The following EFNA5 variants were observed in gnomAD, a reference collection of about 807,000 sequenced individuals.
The protein encoded by EFNA5 is ephrin A5, also known as ephrin-A5.
EFNA5 carries 5 observed loss-of-function variants against 22.9 expected under a neutral mutation model. That is an observed-to-expected ratio of 0.22 (90% CI 0.11 to 0.46). The LOEUF (loss-of-function observed/expected upper bound fraction) is 0.46, where lower values mean the gene tolerates loss of function less well. Ranked by LOEUF, EFNA5 falls within the 20% of genes least tolerant of loss-of-function variation. The probability of loss-of-function intolerance (pLI) is 0.99; values close to 1 mark genes in which losing one functional copy is unlikely to be tolerated. For missense variants in EFNA5, 237 were observed against 293.3 expected (o/e 0.81, Z 1.40); for synonymous variants, 113 against 112.2 (o/e 1.01, Z -0.04).
intron 1 of EFNA5, among the ~76,000 whole-genome samples, chr5:107,539,520 G>A (rs1283677984): frequency 6.6e-6 from 1 of 152,156 alleles, no homozygotes; most frequent in African/African-American, 2.4e-5. Flanking sequence ...GTGCAGTGGG[G>A]TGATCTCGGC....
At chr5:107,605,793 C>T (rs1253117747) in intron 1 of EFNA5, among the ~76,000 whole-genome samples, 1 of 152,210 alleles carries the variant, frequency 6.6e-6, no homozygotes, top group Admixed American at 6.5e-5. Context: ...AACCTCTCTT[C>T]CCTTCAATAT....
intron 1 of EFNA5, among the ~76,000 whole-genome samples, chr5:107,471,791 G>GA (rs1258399582): frequency 6.6e-6 from 1 of 152,102 alleles, no homozygotes; most frequent in African/African-American, 2.4e-5. Context: ...GGTAACTAAT[G>GA]AAAAAAGAAT....
At chr5:107,423,822 T>C (rs913265941) in intron 2 of EFNA5, among the ~76,000 whole-genome samples, 3 of 152,222 alleles carry the variant, frequency 2.0e-5, no homozygotes, top group African/African-American at 7.2e-5. Flanking sequence ...GAAAGGAGAA[T>C]ATAGCATAGT....
rs571932697 is a variant in EFNA5, at chr5:107,558,855, T to C, written c.125+111634A>G. 3.3e-5 allele frequency among the ~76,000 whole-genome samples: 5 copies of C among 152,290 alleles called. No individual in the cohort carries two copies. The East Asian group carries it at 5.8e-4, about 18-fold the overall frequency. On this transcript the variant is annotated intron_variant, in intron 1 of 4. Transcript: ENST00000333274. ...ATGTAATTACTTTCTAAATGGGAAA[T>C]ATTTATGGAGCAGAATCATCCAGGC...
chr5:107,566,270 C>G (rs1247781968), intron 1 of EFNA5, among the ~76,000 whole-genome samples: 1 of 152,158 alleles, frequency 6.6e-6, no homozygotes, highest in Non-Finnish European at 1.5e-5. Flanking sequence ...TTCAAAGCAG[C>G]TTTCACAGTC....
intron 1 of EFNA5, among the ~76,000 whole-genome samples, chr5:107,452,482 G>A (rs376828006): frequency 7.2e-5 from 11 of 152,176 alleles, no homozygotes; most frequent in South Asian, 2.1e-4. Context: ...TCAGCACTTC[G>A]GGAGGCTGAG....
intron 1 of EFNA5, among the ~76,000 whole-genome samples, chr5:107,605,073 G>A (rs1365583252): frequency 1.3e-5 from 2 of 149,644 alleles, no homozygotes; most frequent in Non-Finnish European, 1.5e-5. Context: ...CAAGAAAAGG[G>A]CCAGTGGTTC....
At chr5:107,441,046 A>C (rs892750845) in intron 1 of EFNA5, among the ~76,000 whole-genome samples, 1 of 151,616 alleles carries the variant, frequency 6.6e-6, no homozygotes, top group Non-Finnish European at 1.5e-5. Flanking sequence ...TACAAATATA[A>C]AGTATTCCTT....
chr5:107,572,511 A>T (rs549250819), intron 1 of EFNA5, among the ~76,000 whole-genome samples: 1 of 152,234 alleles, frequency 6.6e-6, no homozygotes, highest in African/African-American at 2.4e-5. Flanking sequence ...CCATGAAAAG[A>T]TTCTTAAGTC....
intron 1 of EFNA5, among the ~76,000 whole-genome samples, chr5:107,593,373 G>A (rs1749414961): frequency 6.6e-6 from 1 of 152,176 alleles, no homozygotes; most frequent in African/African-American, 2.4e-5. Context: ...GGAAGGAGAG[G>A]AGATTTCCAG....
chr5:107,414,335 GTC>G (rs1233182216), intron 2 of EFNA5, among the ~76,000 whole-genome samples: 5 of 151,934 alleles, frequency 3.3e-5, no homozygotes, highest in Non-Finnish European at 1.5e-5. Context: ...TGAAATAGTC[GTC>G]TCTCTCTCTT....
chr5:107,536,218 T>G (rs1747925798), intron 1 of EFNA5, among the ~76,000 whole-genome samples: 1 of 152,208 alleles, frequency 6.6e-6, no homozygotes. Context: ...TAATAAGACA[T>G]TAAATGGTGG....
In EFNA5 at chr5:107,380,779, C is replaced by A. The variant is rs943805930; in HGVS notation, c.*476G>T. On this transcript the variant is annotated 3_prime_UTR_variant, in exon 5 of 5. Coordinates refer to ENST00000333274, the MANE Select transcript of EFNA5 (RefSeq NM_001962.3). The stretch of plus-strand genomic sequence containing the variant: ...CCTGACATGGTGACATGATGCCCTG[C>A]GCGATCATCTTACAGTTCTGAATGA... 5.0e-6 allele frequency: 2 copies of A among 400,068 alleles called. No homozygotes were observed. Among genetic ancestry groups the A allele is most frequent in the Non-Finnish European group, 8.8e-6 (2 of 227,034 alleles). 24.8% of individuals were successfully genotyped at this position (400,068 alleles called of 1,614,324 possible).
intron 1 of EFNA5, among the ~76,000 whole-genome samples, chr5:107,511,002 TTGTGTGTGTGTGTGTG>T (rs71644591): frequency 2.1e-5 from 3 of 140,300 alleles, no homozygotes; most frequent in African/African-American, 8.2e-5. Context: ...TTCTTTTTCT[TTGTGTGTGTGTGTGTG>T]TGTGTGTGTG....
intron 2 of EFNA5, among the ~76,000 whole-genome samples, chr5:107,410,937 T>C (rs1748350163): frequency 6.6e-6 from 1 of 152,190 alleles, no homozygotes; most frequent in South Asian, 2.1e-4. Context: ...AAACAGGATG[T>C]TTTCCATTCT....
Position 107,613,221 on chromosome 5 carries a change from T to A in EFNA5, c.125+57268A>T, listed in dbSNP as rs189719655. On this transcript the variant is annotated intron_variant, in intron 1 of 4. Transcript: ENST00000333274. ...GCTAGTTACTCATTTCTAAGTGTCT[T>A]ACACTAATAAAAATAAAATCTCAAG... is the stretch of plus-strand genomic sequence containing the variant. Among the ~76,000 whole-genome samples the A allele has an allele frequency of 3.4e-3, 516 of 152,260 alleles. 5 individuals are homozygous for A. Among genetic ancestry groups the A allele is most frequent in the African/African-American group, 0.012 (497 of 41,580 alleles).
intron 1 of EFNA5, among the ~76,000 whole-genome samples, chr5:107,591,589 G>T (rs1477216301): frequency 1.3e-5 from 2 of 151,314 alleles, no homozygotes; most frequent in African/African-American, 4.9e-5. Flanking sequence ...TGGAATCCCA[G>T]GTGGGCACAT....
chr5:107,472,319 G>A (rs1236038447), intron 1 of EFNA5, among the ~76,000 whole-genome samples: 1 of 152,116 alleles, frequency 6.6e-6, no homozygotes, highest in Admixed American at 6.6e-5. Flanking sequence ...TTTATCGTAA[G>A]CGTCTATACT....
chr5:107,656,496 T>C (rs1316274000), intron 1 of EFNA5, among the ~76,000 whole-genome samples: 2 of 152,182 alleles, frequency 1.3e-5, no homozygotes, highest in African/African-American at 2.4e-5. Flanking sequence ...TCTTCTGTGA[T>C]GCTTTTAAAA....
Sources: gnomAD v4.1 joint callset for allele counts (sites outside exome capture counted in the v4.1 genomes callset) on GRCh38, gnomAD v4.1.1 for gene constraint, MANE v1.5 for transcripts, NCBI Gene and HGNC (gene_info 2026-07-23, HGNC 2026-07-21) for gene names.